The following BIRC6 variants were observed in gnomAD, a reference collection of about 807,000 sequenced individuals.
The protein encoded by BIRC6 is baculoviral IAP repeat containing 6, also known as dual E2 ubiquitin-conjugating enzyme/E3 ubiquitin-protein ligase BIRC6.
BIRC6 carries 98 observed loss-of-function variants against 503.3 expected under a neutral mutation model. The observed-to-expected ratio is 0.19, with a 90% confidence interval of 0.17 to 0.23. The LOEUF (loss-of-function observed/expected upper bound fraction) is 0.23, where lower values mean the gene tolerates loss of function less well. Among genes scored for constraint, BIRC6 ranks in the 10% least tolerant of loss-of-function variants. The pLI, the probability that BIRC6 is intolerant of heterozygous loss-of-function variation, is 1.00. For missense variants in BIRC6, 5,360 were observed against 5,806.0 expected, an observed-to-expected ratio of 0.92 and a Z score of 2.50; for synonymous variants, 2,240 against 2,078.7, an observed-to-expected ratio of 1.08 and a Z score of -2.11.
chr2:32,433,628 TC>T lies in BIRC6; in HGVS notation c.3249-12del. ...AGATTTTTGCTTTATTTAGCATTTT[TC>T]CCCTTATTTGACAGCAACAGCTGGG... On this transcript the variant is annotated splice_polypyrimidine_tract_variant and intron_variant, in intron 12 of 73. Transcript: ENST00000421745. 1 of 1,528,476 alleles carries T rather than the reference TC, an allele frequency of 6.5e-7. No homozygotes were observed. Among genetic ancestry groups the T allele is most frequent in the South Asian group, 1.3e-5 (1 of 78,330 alleles). The allele number at this position is 1,528,476 out of a possible 1,614,324, so 94.7% of individuals were successfully genotyped here. A position where few individuals can be genotyped will look rare whatever the true frequency, so the allele number is the denominator to read the frequency against.
At chr2:32,433,378 A>G (rs1229953391) in intron 12 of BIRC6, among the ~76,000 whole-genome samples, 1 of 152,242 alleles carries the variant, frequency 6.6e-6, no homozygotes, top group African/African-American at 2.4e-5. Flanking sequence ...CGTAATTCAC[A>G]TTAAATTGTT....
Position 32,468,716 on chromosome 2 carries a change from A to G in BIRC6, c.6060A>G (p.Thr2020=). ...NPEDLIQTSS[T]EQLRTIIRYL... Reference sequence around the variant, plus strand: ...AAGATTTAATTCAGACATCTTCCACAGAGCAGTTACGTACTATCATCAGAT... The same window carrying G: ...AAGATTTAATTCAGACATCTTCCACGGAGCAGTTACGTACTATCATCAGAT... The change falls in exon 29 of 74, where the codon ACA becomes ACG. Residue 2020 remains threonine (T), a synonymous_variant. Transcript: ENST00000421745. 2 of 1,613,948 alleles carry G rather than the reference A, an allele frequency of 1.2e-6. No homozygotes were observed. The highest frequency in any genetic ancestry group is 2.2e-5 in the South Asian group (2 of 91,062).
rs573380101 is a variant in BIRC6 at position 32,463,116 on chromosome 2, T to C, written c.4754-78T>C. ...TTAGCATCATAATAGTGCCAAAATA[T>C]TTGAACATGTTTTGTCTTTAACCTT... On this transcript the variant is annotated intron_variant, in intron 23 of 73. Transcript: ENST00000421745. The C allele has an allele frequency of 2.7e-4, 332 of 1,241,850 alleles. 1 individual carries two copies. In the African/African-American group the frequency reaches 4.8e-3, roughly 18 times the overall value. 76.9% of individuals were successfully genotyped at this position (1,241,850 alleles called of 1,614,324 possible).
intron 50 of BIRC6, 142 bp downstream of exon 50, chr2:32,505,347 A>G (rs1572679496): frequency 1.5e-6 from 1 of 662,524 alleles, no homozygotes; most frequent in East Asian, 2.8e-5. Flanking sequence ...TATTGAAATA[A>G]TTAATACTAC....
At chr2:32,466,507 TTGG>T (rs2048557353) in intron 26 of BIRC6, among the ~76,000 whole-genome samples, 1 of 152,188 alleles carries the variant, frequency 6.6e-6, no homozygotes, top group Non-Finnish European at 1.5e-5. Context: ...TGCTTTCACT[TTGG>T]ATCTAAACCC....
intron 23 of BIRC6, among the ~76,000 whole-genome samples, chr2:32,461,698 G>A (rs2048013506): frequency 6.6e-6 from 1 of 151,628 alleles, no homozygotes; most frequent in Admixed American, 6.6e-5. Flanking sequence ...TAGAATTCTG[G>A]CACAATATAG....
chr2:32,385,324 A>G (rs1424943674), intron 3 of BIRC6, among the ~76,000 whole-genome samples: 1 of 152,222 alleles, frequency 6.6e-6, no homozygotes, highest in Admixed American at 6.5e-5. Context: ...ATTCTGAGCC[A>G]CTTGTTTATT....
At chr2:32,403,029 C>A (rs1045574392) in intron 8 of BIRC6, among the ~76,000 whole-genome samples, 1 of 152,140 alleles carries the variant, frequency 6.6e-6, no homozygotes, top group Admixed American at 6.5e-5. Flanking sequence ...TCTCTACTTG[C>A]TTTTAAGAAA....
intron 57 of BIRC6, among the ~76,000 whole-genome samples, chr2:32,524,081 T>G (rs2056034277): frequency 6.6e-6 from 1 of 151,724 alleles, no homozygotes; most frequent in Non-Finnish European, 1.5e-5. Context: ...TTGATAACAG[T>G]TATATAGTGA....
chr2:32,600,274 C>T (rs994713842), intron 70 of BIRC6, among the ~76,000 whole-genome samples: 3 of 152,156 alleles, frequency 2.0e-5, no homozygotes, highest in Non-Finnish European at 2.9e-5. Context: ...TAATAAAAAT[C>T]ATCTCATATG....
At chr2:32,532,557 C>G (rs1456205823) in intron 61 of BIRC6, among the ~76,000 whole-genome samples, 1 of 152,146 alleles carries the variant, frequency 6.6e-6, no homozygotes. Context: ...AACTTGATTA[C>G]ATCTGCAAAG....
At chr2:32,450,033 A>T (rs1307986247) in intron 22 of BIRC6, among the ~76,000 whole-genome samples, 2 of 152,218 alleles carry the variant, frequency 1.3e-5, no homozygotes, top group East Asian at 3.8e-4. Context: ...AGAGACTAGA[A>T]CTGGAGATAC....
rs779531501 is a variant in BIRC6 at position 32,388,957 on chromosome 2, T to C, written c.839+14T>C. On this transcript the variant is annotated intron_variant, in intron 4 of 73. Coordinates refer to ENST00000421745, the MANE Select transcript of BIRC6 (RefSeq NM_016252.4). ...TTCTGTAGACAGGTATGAACCTTGCTAACAAAGGTGACAGTGAGATAGAAT... is the reference window on the plus strand; with the variant it reads ...TTCTGTAGACAGGTATGAACCTTGCCAACAAAGGTGACAGTGAGATAGAAT... The C allele has an allele frequency of 7.1e-7, 1 of 1,399,426 alleles. No individual in the cohort carries two copies. The highest frequency in any genetic ancestry group is 2.7e-5 in the Admixed American group (1 of 37,398). 86.7% of individuals were successfully genotyped at this position (1,399,426 alleles called of 1,614,324 possible).
At chr2:32,600,212 A>G (rs941618380) in intron 70 of BIRC6, among the ~76,000 whole-genome samples, 1 of 152,252 alleles carries the variant, frequency 6.6e-6, no homozygotes, top group Non-Finnish European at 1.5e-5. Flanking sequence ...ATTTTCTTAT[A>G]TTAAAAGTAG....
intron 22 of BIRC6, among the ~76,000 whole-genome samples, chr2:32,451,177 C>T (rs1432620976): frequency 1.3e-5 from 2 of 152,234 alleles, no homozygotes; most frequent in African/African-American, 2.4e-5. Flanking sequence ...CTTTACCTTT[C>T]TCCTTAGAGT....
rs376761341 is a variant in BIRC6 at position 32,439,530 on chromosome 2, T to A, written c.3654T>A (p.Arg1218=). 32 of 1,613,398 alleles carry A rather than the reference T, an allele frequency of 2.0e-5. No homozygotes were observed. Among genetic ancestry groups the A allele is most frequent in the Admixed American group, 1.3e-4 (8 of 59,928 alleles). ...LVKGMAGGKY[R]SFLIHVKAVN... is the part of the protein sequence containing the mutation. Reference sequence around the variant, plus strand: ...TAGGTATGGCAGGAGGAAAATATCGTTCGTTTTTAATCCATGTCAAGGCAG... The same window carrying A: ...TAGGTATGGCAGGAGGAAAATATCGATCGTTTTTAATCCATGTCAAGGCAG... Residue 1218 remains arginine (R), a synonymous_variant, in exon 16 of 74, where the codon CGT becomes CGA. Coordinates refer to ENST00000421745, the MANE Select transcript of BIRC6 (RefSeq NM_016252.4).
In BIRC6 at chr2:32,510,591, C is replaced by G; in HGVS notation, c.10303C>G (p.Leu3435Val). 6.2e-7 allele frequency: 1 copy of G among 1,609,752 alleles called. No homozygotes were observed. The highest frequency in any genetic ancestry group is 8.5e-7 in the Non-Finnish European group (1 of 1,176,202). ...GLSSDSTIDI[L>V]YQLGTTQDPG... ...CTCTTCTGACTCTACGATAGATATTCTTTACCAGCTTGGAACAACTCAGGA... is the reference window on the plus strand; with the variant it reads ...CTCTTCTGACTCTACGATAGATATTGTTTACCAGCTTGGAACAACTCAGGA... Residue 3435 changes from leucine to valine, a missense_variant, in exon 53 of 74, where the codon CTT becomes GTT. Leu to Val is a conservative substitution (Grantham distance 32). This residue lies in a region of BIRC6 where 878 missense variants were observed against 928.9 expected (regional missense o/e 0.95). Transcript: ENST00000421745.
In BIRC6 at chr2:32,380,247, A is replaced by G. The variant is rs1354464465; in HGVS notation, c.602A>G (p.Lys201Arg). Residue 201 changes from lysine (K) to arginine (R), a missense_variant, in exon 3 of 74, where the codon AAA becomes AGA. Around this residue, in one of 16 missense-constraint regions of BIRC6, gnomAD observed 134 missense variants for 150.9 expected, o/e 0.89. Coordinates refer to ENST00000421745, the MANE Select transcript of BIRC6 (RefSeq NM_016252.4). ...LFITQLKDGL[K>R]NTSHETAANH... ...ATCACACAGCTCAAAGATGGTTTAA[A>G]AAATACATCTCATGAGACTGCAGCA... is the stretch of plus-strand genomic sequence containing the variant. 2.5e-6 allele frequency: 4 copies of G among 1,609,814 alleles called. No homozygotes were observed. The highest frequency in any genetic ancestry group is 3.4e-6 in the Non-Finnish European group (4 of 1,178,846).
intron 1 of BIRC6, among the ~76,000 whole-genome samples, chr2:32,359,756 A>G (rs753111931): frequency 1.3e-5 from 2 of 152,072 alleles, no homozygotes; most frequent in African/African-American, 2.4e-5. Flanking sequence ...ATTTGTAGAG[A>G]TGGGGTTTTG....
Sources: gnomAD v4.1 joint callset for allele counts (sites outside exome capture counted in the v4.1 genomes callset) on GRCh38, gnomAD v4.1.1 for gene constraint, gnomAD v4.1.1 regional missense constraint, MANE v1.5 for transcripts, NCBI Gene and HGNC (gene_info 2026-07-23, HGNC 2026-07-21) for gene names.